The following LPP variants were observed in gnomAD, a reference collection of about 807,000 sequenced individuals.
The protein encoded by LPP is lipoma-preferred partner.
In LPP, 38 loss-of-function variants were observed where a neutral mutation model predicts 60.4. The observed-to-expected ratio is 0.63, with a 90% CI of 0.49 to 0.83. The LOEUF (loss-of-function observed/expected upper bound fraction) is 0.83. Among genes scored for constraint, LPP ranks in the 40% least tolerant of loss-of-function variants. The pLI, the probability that LPP is intolerant of heterozygous loss-of-function variation, is 0.00. For missense variants in LPP, 902 were observed against 783.6 expected, an observed-to-expected ratio of 1.15 and a Z score of -1.80; for synonymous variants, 328 against 290.8, an observed-to-expected ratio of 1.13 and a Z score of -1.30.
intron 7 of LPP, among the ~76,000 whole-genome samples, chr3:188,651,955 C>T (rs1852177558): frequency 6.6e-6 from 1 of 152,138 alleles, no homozygotes; most frequent in South Asian, 2.1e-4. Context: ...ATTAGTATTT[C>T]TTAAAAGGCT....
chr3:188,729,822 G>GAA (rs201767392), intron 8 of LPP, among the ~76,000 whole-genome samples: 54 of 137,656 alleles, frequency 3.9e-4, no homozygotes, highest in Middle Eastern at 3.6e-3. Flanking sequence ...TACAAAAAGT[G>GAA]AAAAAAAAAA....
At chr3:188,841,198 T>C (rs79371844) in intron 9 of LPP, among the ~76,000 whole-genome samples, 2,115 of 152,138 alleles carry the variant, frequency 0.014, 48 homozygotes, top group African/African-American at 0.046. Flanking sequence ...AAACAATCTC[T>C]GTAATTTGTA....
intron 2 of LPP, among the ~76,000 whole-genome samples, chr3:188,240,598 AT>A: frequency 6.6e-6 from 1 of 152,218 alleles, no homozygotes; most frequent in Non-Finnish European, 1.5e-5. Flanking sequence ...AGTAGTTAGG[AT>A]ATTAGACCAG....
chr3:188,781,264 C>A (rs114606314), intron 9 of LPP, among the ~76,000 whole-genome samples: 76 of 152,288 alleles, frequency 5.0e-4, no homozygotes, highest in African/African-American at 1.8e-3. Context: ...CATGAGTGAT[C>A]TCTAGCATTT....
intron 6 of LPP, among the ~76,000 whole-genome samples, chr3:188,604,178 T>C (rs1432524724): frequency 1.3e-5 from 2 of 152,104 alleles, no homozygotes; most frequent in East Asian, 3.8e-4. Flanking sequence ...CTTTGTCTCA[T>C]AGTGAATCTA....
At chr3:188,862,994 C>T (rs1483799404) in intron 9 of LPP, among the ~76,000 whole-genome samples, 1 of 151,774 alleles carries the variant, frequency 6.6e-6, no homozygotes, top group African/African-American at 2.4e-5. Context: ...CAAAAATATC[C>T]CTCTATGATC....
At chr3:188,669,804 G>C (rs1461216574) in intron 7 of LPP, among the ~76,000 whole-genome samples, 1 of 152,128 alleles carries the variant, frequency 6.6e-6, no homozygotes, top group South Asian at 2.1e-4. Context: ...ACATGCAGAC[G>C]TATGTTTACT....
intron 3 of LPP, among the ~76,000 whole-genome samples, chr3:188,363,822 T>C (rs1053333997): frequency 6.7e-6 from 1 of 150,170 alleles, no homozygotes; most frequent in Non-Finnish European, 1.5e-5. Flanking sequence ...GAAGAATCCC[T>C]TGATCCTGGG....
chr3:188,356,364 A>T (rs1767609344), intron 3 of LPP, among the ~76,000 whole-genome samples: 1 of 152,152 alleles, frequency 6.6e-6, no homozygotes, highest in African/African-American at 2.4e-5. Context: ...GAGAAAATTT[A>T]AGGGTGAAAT....
At chr3:188,242,283 G>C (rs889222422) in intron 2 of LPP, among the ~76,000 whole-genome samples, 1 of 152,028 alleles carries the variant, frequency 6.6e-6, no homozygotes, top group African/African-American at 2.4e-5. Context: ...GTAAAAGCCT[G>C]CTTTTTATCC....
intron 1 of LPP, among the ~76,000 whole-genome samples, chr3:188,206,911 TATA>T (rs1438546962): frequency 6.6e-6 from 1 of 152,218 alleles, no homozygotes; most frequent in Admixed American, 6.5e-5. Context: ...ACCTGCTTAG[TATA>T]ATACCTAGCA....
intron 9 of LPP, among the ~76,000 whole-genome samples, chr3:188,864,304 G>A (rs1337300842): frequency 6.6e-6 from 1 of 152,204 alleles, no homozygotes; most frequent in East Asian, 1.9e-4. Flanking sequence ...AGTCAGGCCA[G>A]CACTGTGCTG....
At chr3:188,557,755 A>G (rs533705350) in intron 6 of LPP, among the ~76,000 whole-genome samples, 1 of 152,248 alleles carries the variant, frequency 6.6e-6, no homozygotes, top group South Asian at 2.1e-4. Context: ...TGCTAATGCC[A>G]TAATTTATTC....
chr3:188,415,806 A>G (rs1786111646), intron 4 of LPP, among the ~76,000 whole-genome samples: 1 of 151,752 alleles, frequency 6.6e-6, no homozygotes, highest in Non-Finnish European at 1.5e-5. Context: ...CATTCCTACA[A>G]AGAGGACGCA....
chr3:188,697,809 A>G (rs2149542987), intron 7 of LPP, among the ~76,000 whole-genome samples: 1 of 152,354 alleles, frequency 6.6e-6, no homozygotes, highest in African/African-American at 2.4e-5. Context: ...TACATAGGCT[A>G]ACATATACTG....
Position 188,195,724 on chromosome 3 carries a change from G to T in LPP, c.-189-29681G>T, listed in dbSNP as rs142645818. 2.5e-3 allele frequency among the ~76,000 whole-genome samples: 386 copies of T among 152,264 alleles called. 8 individuals carry two copies. Among genetic ancestry groups the T allele is most frequent in the Admixed American group, 0.021 (325 of 15,296 alleles). On this transcript the variant is annotated intron_variant, in intron 1 of 11. Transcript: ENST00000617246. ...ATTATATGATGTTCATTACTTCTTG[G>T]AATGATAATATTTTGGATATATTGG...
chr3:188,244,249 A>G (rs73059646), intron 2 of LPP, among the ~76,000 whole-genome samples: 2,590 of 152,338 alleles, frequency 0.017, 69 homozygotes, highest in African/African-American at 0.056. Context: ...TCAAGACAAC[A>G]GTAACAAAAA....
chr3:188,582,248 C>A (rs1365065798), intron 6 of LPP, among the ~76,000 whole-genome samples: 1 of 150,702 alleles, frequency 6.6e-6, no homozygotes. Flanking sequence ...GCAACCTCTG[C>A]CTACCAGGTT....
At chr3:188,528,250 A>T (rs947636452) in intron 6 of LPP, among the ~76,000 whole-genome samples, 3 of 152,056 alleles carry the variant, frequency 2.0e-5, no homozygotes, top group African/African-American at 7.2e-5. Flanking sequence ...GATGGTCTCA[A>T]TCTCCTGACC....
Sources: gnomAD v4.1 joint callset for allele counts (sites outside exome capture counted in the v4.1 genomes callset) on GRCh38, gnomAD v4.1.1 for gene constraint, MANE v1.5 for transcripts, NCBI Gene and HGNC (gene_info 2026-07-23, HGNC 2026-07-21) for gene names.